MLXIPL: variants seen among roughly 807,000 people sequenced by gnomAD.
MLXIPL encodes MLX interacting protein like, also known as carbohydrate-responsive element-binding protein.
Under a neutral mutation model 81.5 loss-of-function variants are expected in MLXIPL, and 49 were observed. The observed-to-expected ratio is 0.60, with a 90% confidence interval of 0.48 to 0.76. The LOEUF is 0.76. MLXIPL is among the 30% of genes least tolerant of loss of function. The probability of loss-of-function intolerance (pLI) is 0.00; values close to 1 mark genes in which losing one functional copy is unlikely to be tolerated. For missense variants in MLXIPL, 1,053 were observed against 1,167.0 expected (o/e 0.90, Z 1.42); for synonymous variants, 466 against 485.5 (o/e 0.96, Z 0.53).
the MLXIPL span, among the ~76,000 whole-genome samples, chr7:73,634,852 G>A: frequency 0.13 from 17,376 of 137,304 alleles, 1,064 homozygotes; most frequent in Middle Eastern, 0.16. Flanking sequence ...GTCTCATTCT[G>A]TCGGCCAGGC....
In MLXIPL at chr7:73,595,759, G is replaced by A; in HGVS notation, c.2188C>T (p.Leu730=). 6.3e-7 allele frequency: 1 copy of A among 1,594,694 alleles called. No homozygotes were observed. The highest frequency in any genetic ancestry group is 8.5e-7 in the Non-Finnish European group (1 of 1,170,520). The part of the protein sequence containing the change: ...EIEELNAAIN[L]CQQQLPATGV... ...GTGGCGGGCAGCTGCTGCTGGCACAGGCTGGGGGCAGGGCAGGGGTCAGGG... is the reference window on the plus strand; with the variant it reads ...GTGGCGGGCAGCTGCTGCTGGCACAAGCTGGGGGCAGGGCAGGGGTCAGGG... Residue 730 remains leucine, a splice_region_variant and synonymous_variant, in exon 15 of 17, where the codon CTG becomes TTG. Coordinates refer to ENST00000313375, the MANE Select transcript of MLXIPL (RefSeq NM_032951.3).
rs1554592665 is a variant in MLXIPL at position 73,593,769 on chromosome 7, G to A, written c.*96C>T. On this transcript the variant is annotated 3_prime_UTR_variant, in exon 17 of 17. Coordinates refer to ENST00000313375, the MANE Select transcript of MLXIPL (RefSeq NM_032951.3). ...CAGGGAAGGGCAGAGCCAGGGCCTG[G>A]GGCAGGAAGGGAGTGCCCAGAGATG... 9.0e-7 allele frequency: 1 copy of A among 1,110,842 alleles called. No homozygotes were observed. The highest frequency in any genetic ancestry group is 1.5e-5 in the African/African-American group (1 of 65,014). 68.8% of individuals were successfully genotyped at this position (1,110,842 alleles called of 1,614,324 possible). A position where few individuals can be genotyped will look rare whatever the true frequency, so the allele number is the denominator to read the frequency against.
At chr7:73,621,052 AAAAT>A (rs4027532) in intron 1 of MLXIPL, among the ~76,000 whole-genome samples, 28,951 of 148,596 alleles carry the variant, frequency 0.19, 3,134 homozygotes, top group African/African-American at 0.29. Flanking sequence ...TCTGTCTCCA[AAAAT>A]AAATAAATAA....
chr7:73,628,323 C>T (rs1035912560), upstream of MLXIPL, among the ~76,000 whole-genome samples: 6 of 152,156 alleles, frequency 3.9e-5, no homozygotes, highest in African/African-American at 1.4e-4. Flanking sequence ...AACATCCCTC[C>T]TTCCCCAGCC....
At chr7:73,631,938 CTT>C in the MLXIPL span, among the ~76,000 whole-genome samples, 108 of 137,184 alleles carry the variant, frequency 7.9e-4, no homozygotes, top group African/African-American at 2.8e-3. Flanking sequence ...CTCCCCTCCT[CTT>C]CTTTTCTCTT....
intron 1 of MLXIPL, among the ~76,000 whole-genome samples, chr7:73,617,314 C>T (rs918271212): frequency 2.6e-5 from 4 of 152,084 alleles, no homozygotes; most frequent in Non-Finnish European, 5.9e-5. Flanking sequence ...CCACCATGCC[C>T]AGCCGAGGGT....
intron 2 of MLXIPL, 25 bp from the exon 3 acceptor site, chr7:73,607,697 G>C (rs781901366): frequency 1.9e-6 from 3 of 1,607,564 alleles, no homozygotes; most frequent in Admixed American, 3.3e-5. Flanking sequence ...CCAGGTCAGG[G>C]GCACCCAGCT....
Position 73,623,838 on chromosome 7 carries a change from G to A in MLXIPL, c.293+362C>T, listed in dbSNP as rs72649057. Among the ~76,000 whole-genome samples, 137 of 152,114 alleles carry A rather than the reference G, an allele frequency of 9.0e-4. No individual in the cohort carries two copies. The highest frequency in any genetic ancestry group is 1.1e-3 in the Non-Finnish European group (76 of 67,978). On this transcript the variant is annotated intron_variant, in intron 1 of 16. Transcript: ENST00000313375. This position sits in a 1 kb window ranked among gnomAD's most constrained non-coding sequence, Gnocchi z 5.7. ...GAGTGGAGAGTGGGGATGGGCGCGGGTGGCCTAGGGACCAGGGGCGCCTGG... is the reference window on the plus strand; with the variant it reads ...GAGTGGAGAGTGGGGATGGGCGCGGATGGCCTAGGGACCAGGGGCGCCTGG...
chr7:73,610,132 A>C lies in MLXIPL; in HGVS notation c.401-2460T>G, dbSNP rs72649030. 3.3e-3 allele frequency: 511 copies of C among 152,628 alleles called. 2 individuals are homozygous for C. Among genetic ancestry groups the C allele is most frequent in the Non-Finnish European group, 3.7e-3 (250 of 68,076 alleles). The allele number at this position is 152,628 out of a possible 1,614,324, so 9.5% of individuals were successfully genotyped here. A position where few individuals can be genotyped will look rare whatever the true frequency, so the allele number is the denominator to read the frequency against. The stretch of plus-strand genomic sequence containing the variant: ...AAACCCCACTGACTCCCAGCATTCC[A>C]GGTCTGACTGTTATATTCCGGGTCT... On this transcript the variant is annotated intron_variant, in intron 2 of 16. Transcript: ENST00000313375.
chr7:73,599,715 G>C lies in MLXIPL; in HGVS notation c.902-20C>G, dbSNP rs782439168. ...AGAAATCTGTAATTCAGACACACAG[G>C]GCAACAGCAGTTAGGGCCAGGGCTA... On this transcript the variant is annotated intron_variant, in intron 7 of 16. Transcript: ENST00000313375. 9 of 1,597,070 alleles carry C rather than the reference G, an allele frequency of 5.6e-6. No individual in the cohort carries two copies. Among genetic ancestry groups the C allele is most frequent in the Non-Finnish European group, 7.7e-6 (9 of 1,170,678 alleles).
Position 73,596,431 on chromosome 7 carries a change from C to G in MLXIPL, c.1871G>C (p.Gly624Ala). 2 of 1,612,838 alleles carry G rather than the reference C, an allele frequency of 1.2e-6. No individual in the cohort carries two copies. The highest frequency in any genetic ancestry group is 1.7e-6 in the Non-Finnish European group (2 of 1,179,972). ...GGGAGAGACACGGACGCTCAGAGTC[C>G]CAGGGCCTGGCATGGAGCTGAGGTC... Reference protein sequence around the residue: ...SGDLSSMPGPGTLSVRVSPPQ... With the variant: ...SGDLSSMPGPATLSVRVSPPQ... Residue 624 changes from glycine to alanine, a missense_variant, in exon 12 of 17, where the codon GGG (glycine) becomes GCG (alanine). Gly to Ala is a moderately conservative substitution (Grantham distance 60, BLOSUM62 0). This residue lies in a region of MLXIPL where 823 missense variants were observed against 933.0 expected (regional missense o/e 0.88). Coordinates refer to ENST00000313375, the MANE Select transcript of MLXIPL (RefSeq NM_032951.3). This position sits in a 1 kb window ranked among gnomAD's most constrained non-coding sequence, Gnocchi z 4.7.
chr7:73,607,673 C>A lies in MLXIPL; in HGVS notation c.401-1G>T, dbSNP rs748697866. ...ACGGGGCTCTTCCTCCGCTTCACAT[C>A]TGAGAGAAGGGGGCCAGGTCAGGGG... On this transcript the variant is annotated splice_acceptor_variant, in intron 2 of 16. Coordinates refer to ENST00000313375, the MANE Select transcript of MLXIPL (RefSeq NM_032951.3). LOFTEE classifies it high-confidence loss of function. 1.2e-6 allele frequency: 2 copies of A among 1,613,172 alleles called. No homozygotes were observed. The highest frequency in any genetic ancestry group is 2.2e-5 in the South Asian group (2 of 91,064).
At chr7:73,638,503 A>C in the MLXIPL span, among the ~76,000 whole-genome samples, 6 of 152,246 alleles carry the variant, frequency 3.9e-5, no homozygotes, top group East Asian at 1.2e-3. Flanking sequence ...GCTGGTCTCA[A>C]ACTCTTGACC....
chr7:73,621,729 C>G (rs1222161126), intron 1 of MLXIPL, among the ~76,000 whole-genome samples: 1 of 113,990 alleles, frequency 8.8e-6, no homozygotes, highest in East Asian at 3.2e-4. Flanking sequence ...CTCTCCAGCT[C>G]CCTCCCTCCC....
chr7:73,602,953 C>T (rs1554596805), intron 7 of MLXIPL, among the ~76,000 whole-genome samples: 2 of 152,238 alleles, frequency 1.3e-5, no homozygotes, highest in African/African-American at 4.8e-5. Flanking sequence ...GGCCTGTCCC[C>T]ACCCTGCCTT....
upstream of MLXIPL, among the ~76,000 whole-genome samples, chr7:73,627,205 G>A (rs1796768050): frequency 6.6e-6 from 1 of 151,536 alleles, no homozygotes; most frequent in Non-Finnish European, 1.5e-5. Context: ...TCCCTCCTTT[G>A]GAGGGGCTCT....
At chr7:73,594,234 G>T (rs1554592848) in intron 16 of MLXIPL, 40 bp downstream of exon 16, 1 of 1,609,424 alleles carries the variant, frequency 6.2e-7, no homozygotes, top group South Asian at 1.1e-5. Context: ...CCACCCCCGA[G>T]GCTGGGTCCC....
chr7:73,616,257 G>T, intron 1 of MLXIPL, 80 bp from the exon 2 acceptor site: 1 of 1,254,304 alleles, frequency 8.0e-7, no homozygotes, highest in Non-Finnish European at 1.2e-6. Context: ...CATGCACTAG[G>T]CATCCATCTA....
intron 2 of MLXIPL, among the ~76,000 whole-genome samples, chr7:73,612,263 G>T (rs1795733879): frequency 6.6e-6 from 1 of 151,702 alleles, no homozygotes. Flanking sequence ...CCCAGGAATT[G>T]GAGGCCGCAG....
Sources: gnomAD v4.1 joint callset for allele counts (sites outside exome capture counted in the v4.1 genomes callset) on GRCh38, gnomAD v4.1.1 for gene constraint, gnomAD v4.1.1 regional missense constraint, Gnocchi (gnomAD v3.1) non-coding constraint, MANE v1.5 for transcripts, NCBI Gene and HGNC (gene_info 2026-07-23, HGNC 2026-07-21) for gene names.